Variants in CCSER1 observed in about 807,000 individuals in gnomAD.
CCSER1 encodes serine-rich coiled-coil domain-containing protein 1.
A neutral mutation model predicts 82.0 loss-of-function variants in CCSER1; 41 were observed. The observed-to-expected ratio is 0.50, with a 90% CI of 0.39 to 0.65. CCSER1 has a LOEUF of 0.65. CCSER1 is among the 30% of genes least tolerant of loss of function. The probability of loss-of-function intolerance (pLI) is 0.00; values close to 1 mark genes in which losing one functional copy is unlikely to be tolerated. For missense variants in CCSER1, 1,119 were observed against 1,064.2 expected (o/e 1.05, Z -0.72); for synonymous variants, 414 against 383.9 (o/e 1.08, Z -0.92).
At chr4:91,091,961 C>G (rs1724000510) in intron 10 of CCSER1, among the ~76,000 whole-genome samples, 1 of 152,088 alleles carries the variant, frequency 6.6e-6, no homozygotes, top group African/African-American at 2.4e-5. Flanking sequence ...CAATTTCATC[C>G]AACTCTTGGG....
intron 1 of CCSER1, among the ~76,000 whole-genome samples, chr4:90,147,919 C>G (rs72874402): frequency 0.28 from 43,031 of 152,082 alleles, 7,711 homozygotes; most frequent in East Asian, 0.65. Flanking sequence ...AATCCTAGCA[C>G]TTTGGGAGGC....
intron 8 of CCSER1, among the ~76,000 whole-genome samples, chr4:90,862,907 CTTTTTTT>C (rs548953621): frequency 1.6e-5 from 2 of 122,124 alleles, no homozygotes; most frequent in East Asian, 2.5e-4. Context: ...TATTTTTTGT[CTTTTTTT>C]TTTTTTTTTT....
chr4:90,510,638 G>A (rs896069169), intron 5 of CCSER1, among the ~76,000 whole-genome samples: 3 of 152,194 alleles, frequency 2.0e-5, no homozygotes, highest in African/African-American at 2.4e-5. Context: ...GCAACAATGA[G>A]GAGAAGAAGA....
chr4:90,852,232 TGAA>T (rs1763971783), intron 8 of CCSER1, among the ~76,000 whole-genome samples: 1 of 152,222 alleles, frequency 6.6e-6, no homozygotes, highest in African/African-American at 2.4e-5. Context: ...TAGATCTTGC[TGAA>T]TAGCGTATAA....
intron 9 of CCSER1, among the ~76,000 whole-genome samples, chr4:91,039,044 T>C (rs1581398730): frequency 1.3e-5 from 2 of 152,318 alleles, no homozygotes; most frequent in South Asian, 4.1e-4. Context: ...ATTTTTTATC[T>C]TTTAAAACAG....
intron 6 of CCSER1, among the ~76,000 whole-genome samples, chr4:90,696,023 A>G (rs1736946491): frequency 6.6e-6 from 1 of 152,130 alleles, no homozygotes; most frequent in Admixed American, 6.6e-5. Context: ...TGAAATAAAT[A>G]CTTTTATTAA....
chr4:91,247,754 A>G (rs758258221), intron 10 of CCSER1, among the ~76,000 whole-genome samples: 1 of 152,182 alleles, frequency 6.6e-6, no homozygotes, highest in African/African-American at 2.4e-5. Context: ...CTGCAGTCCC[A>G]GCTACTTGGG....
At chr4:90,303,474 C>G (rs1388681853) in intron 1 of CCSER1, among the ~76,000 whole-genome samples, 1 of 152,042 alleles carries the variant, frequency 6.6e-6, no homozygotes, top group Non-Finnish European at 1.5e-5. Flanking sequence ...TGGAACAGAA[C>G]AGAGCCCTCA....
At chr4:90,517,064 C>T (rs1213125551) in intron 5 of CCSER1, among the ~76,000 whole-genome samples, 1 of 152,112 alleles carries the variant, frequency 6.6e-6, no homozygotes, top group Non-Finnish European at 1.5e-5. Context: ...TTTAATCCAC[C>T]TAACCTGCCA....
At chr4:90,893,391 G>T (rs1723221307) in intron 8 of CCSER1, among the ~76,000 whole-genome samples, 1 of 152,012 alleles carries the variant, frequency 6.6e-6, no homozygotes, top group South Asian at 2.1e-4. Flanking sequence ...TGGCATGTCA[G>T]CCCCCACATA....
At chr4:90,793,321 C>T (rs576424735) in intron 7 of CCSER1, among the ~76,000 whole-genome samples, 3 of 152,072 alleles carry the variant, frequency 2.0e-5, no homozygotes, top group Non-Finnish European at 4.4e-5. Context: ...TTTCCTGATC[C>T]TTTCCCTCCT....
chr4:90,752,592 G>A (rs981342587), intron 7 of CCSER1, among the ~76,000 whole-genome samples: 1 of 152,016 alleles, frequency 6.6e-6, no homozygotes. Context: ...TTCCTGGGAG[G>A]TGAAAGCGTT....
At chr4:90,955,110 G>T (rs1470117844) in intron 9 of CCSER1, among the ~76,000 whole-genome samples, 5 of 152,126 alleles carry the variant, frequency 3.3e-5, no homozygotes, top group African/African-American at 1.2e-4. Context: ...CGTGTTCTAT[G>T]TATTTATTCT....
intron 9 of CCSER1, among the ~76,000 whole-genome samples, chr4:90,967,680 A>G (rs1185212347): frequency 6.6e-6 from 1 of 152,142 alleles, no homozygotes; most frequent in Non-Finnish European, 1.5e-5. Flanking sequence ...ACAATAAACA[A>G]CTATAACAAT....
intron 9 of CCSER1, among the ~76,000 whole-genome samples, chr4:91,077,729 T>C (rs956837841): frequency 1.3e-5 from 2 of 152,110 alleles, no homozygotes; most frequent in African/African-American, 4.8e-5. Context: ...ACTTGGAAAA[T>C]TGGGGCACTC....
intron 6 of CCSER1, among the ~76,000 whole-genome samples, chr4:90,640,181 A>G (rs576363392): frequency 2.6e-5 from 4 of 152,164 alleles, no homozygotes; most frequent in Non-Finnish European, 5.9e-5. Flanking sequence ...TTCAATATAT[A>G]AAACAACCTA....
intron 7 of CCSER1, among the ~76,000 whole-genome samples, chr4:90,791,446 G>C (rs972722564): frequency 2.0e-5 from 3 of 152,092 alleles, no homozygotes; most frequent in African/African-American, 7.2e-5. Flanking sequence ...CCATCACCCT[G>C]ATCAGTCAAC....
At chr4:91,030,359 A>G (rs1406453449) in intron 9 of CCSER1, among the ~76,000 whole-genome samples, 1 of 152,164 alleles carries the variant, frequency 6.6e-6, no homozygotes, top group Non-Finnish European at 1.5e-5. Context: ...ACAAGCACAC[A>G]TAGCTATTGA....
At chr4:90,322,248 A>G (rs937455861) in intron 3 of CCSER1, among the ~76,000 whole-genome samples, 8 of 152,146 alleles carry the variant, frequency 5.3e-5, no homozygotes, top group Non-Finnish European at 1.0e-4. Context: ...CCTTTCCTCC[A>G]TGTATGTTAT....
Sources: allele counts gnomAD v4.1 joint callset (sites outside exome capture counted in the v4.1 genomes callset), GRCh38; gene constraint gnomAD v4.1.1; transcripts MANE v1.5; gene names NCBI Gene and HGNC (gene_info 2026-07-23, HGNC 2026-07-21).